The following PALD1 variants were observed in gnomAD, a reference collection of about 807,000 sequenced individuals.
PALD1 encodes phosphatase domain containing paladin 1.
In PALD1, 57 loss-of-function variants were observed where a neutral mutation model predicts 96.0. That is an observed-to-expected ratio of 0.59 (90% CI 0.48 to 0.74). The LOEUF is 0.74. Among genes scored for constraint, PALD1 ranks in the 30% least tolerant of loss-of-function variants. PALD1 has a pLI of 0.00. For missense variants in PALD1, 1,063 were observed against 1,143.7 expected (o/e 0.93, Z 1.02); for synonymous variants, 464 against 473.6 (o/e 0.98, Z 0.26).
At chr10:70,534,610 G>A in intron 9 of PALD1, 86 bp downstream of exon 9, 4 of 1,169,314 alleles carry the variant, frequency 3.4e-6, no homozygotes, top group Admixed American at 2.0e-5. Context: ...CTTCCTTCCC[G>A]ATACCCTCCC....
At chr10:70,486,251 C>A in intron 1 of PALD1, 1 of 158,186 alleles carries the variant, frequency 6.3e-6, no homozygotes. Context: ...TGACCAAAAA[C>A]TTGCCCTCCA....
At chr10:70,494,676 G>A (rs776314988) in intron 1 of PALD1, among the ~76,000 whole-genome samples, 1 of 152,252 alleles carries the variant, frequency 6.6e-6, no homozygotes, top group East Asian at 1.9e-4. Context: ...GTAAGAGCCT[G>A]TTCCCGTGGG....
chr10:70,495,880 G>T (rs1205249131), intron 1 of PALD1, among the ~76,000 whole-genome samples: 1 of 151,564 alleles, frequency 6.6e-6, no homozygotes, highest in Non-Finnish European at 1.5e-5. Flanking sequence ...GCGGTAGTGT[G>T]TGCCTGTAGT....
the PALD1 span, among the ~76,000 whole-genome samples, chr10:70,465,858 C>A: frequency 6.6e-6 from 1 of 152,182 alleles, no homozygotes; most frequent in Admixed American, 6.5e-5. Flanking sequence ...CTGCCAGGGT[C>A]CCACAGACAT....
At chr10:70,563,548 A>G (rs1230223366) in intron 18 of PALD1, among the ~76,000 whole-genome samples, 2 of 151,376 alleles carry the variant, frequency 1.3e-5, no homozygotes, top group Non-Finnish European at 2.9e-5. Context: ...TCCTCTCCCA[A>G]CCCCTCTCCT....
the PALD1 span, among the ~76,000 whole-genome samples, chr10:70,468,702 C>CTGTGGGTGTG: frequency 8.1e-6 from 1 of 123,806 alleles, no homozygotes; most frequent in African/African-American, 3.2e-5. Context: ...TGAGGCAGGA[C>CTGTGGGTGTG]TGTGTGTGTG....
intron 1 of PALD1, among the ~76,000 whole-genome samples, chr10:70,500,611 C>A (rs541767953): frequency 1.3e-5 from 2 of 152,266 alleles, no homozygotes; most frequent in South Asian, 4.1e-4. Context: ...GGGAAGCCTT[C>A]CCAGAGTTCC....
At chr10:70,473,976 A>C (rs1305957585), upstream of PALD1, among the ~76,000 whole-genome samples, 2 of 152,174 alleles carry the variant, frequency 1.3e-5, no homozygotes, top group Admixed American at 6.5e-5. Context: ...AAATGAATGA[A>C]ATATTCGTGG....
the PALD1 span, among the ~76,000 whole-genome samples, chr10:70,473,192 G>C: frequency 6.6e-6 from 1 of 152,168 alleles, no homozygotes; most frequent in South Asian, 2.1e-4. Context: ...CGCCCTGCTG[G>C]GTGCCACCAA....
Position 70,538,974 on chromosome 10 carries a change from T to C in PALD1, c.1535T>C (p.Met512Thr). 2 of 1,613,826 alleles carry C rather than the reference T, an allele frequency of 1.2e-6. No individual in the cohort carries two copies. The highest frequency in any genetic ancestry group is 1.7e-6 in the Non-Finnish European group (2 of 1,179,958). ...DVANFRRVPR[M>T]PIYGTAQPSA... is the part of the protein sequence containing the mutation. ...GCCAACTTCCGGCGGGTGCCCCGCATGCCCATCTACGGCACGGCCCAGCCC... is the reference window on the plus strand; with the variant it reads ...GCCAACTTCCGGCGGGTGCCCCGCACGCCCATCTACGGCACGGCCCAGCCC... The change falls in exon 13 of 20, where the codon ATG (methionine) becomes ACG (threonine). Residue 512 changes from methionine (M) to threonine (T), a missense_variant. Met to Thr is a moderately conservative substitution (Grantham distance 81). Transcript: ENST00000263563.
rs919557810 is a variant in PALD1, at chr10:70,567,417, C to A, written c.*684C>A. On this transcript the variant is annotated 3_prime_UTR_variant, in exon 20 of 20. Coordinates refer to ENST00000263563, the MANE Select transcript of PALD1 (RefSeq NM_014431.3). ...TCAAGGAGCTGGAGACTTCAGGGAGCCCCTCTCATGGGGAGGAAAGAGCTT... is the reference window on the plus strand; with the variant it reads ...TCAAGGAGCTGGAGACTTCAGGGAGACCCTCTCATGGGGAGGAAAGAGCTT... 6.5e-6 allele frequency: 1 copy of A among 152,766 alleles called. No homozygotes were observed. The highest frequency in any genetic ancestry group is 1.5e-5 in the Non-Finnish European group (1 of 68,190). 9.5% of individuals were successfully genotyped at this position (152,766 alleles called of 1,614,324 possible).
chr10:70,518,464 A>T (rs1158679115), intron 1 of PALD1, among the ~76,000 whole-genome samples: 1 of 152,192 alleles, frequency 6.6e-6, no homozygotes, highest in Non-Finnish European at 1.5e-5. Context: ...CCAGCAGTGT[A>T]TGTGAGTTCC....
chr10:70,529,129 C>T lies in PALD1; in HGVS notation c.186-100C>T, dbSNP rs902373308. The T allele has an allele frequency of 1.1e-5, 7 of 642,252 alleles. No individual in the cohort carries two copies. The Admixed American group carries it at 1.6e-4, about 14-fold the overall frequency. The allele number at this position is 642,252 out of a possible 1,614,324, so 39.8% of individuals were successfully genotyped here. On this transcript the variant is annotated intron_variant, in intron 2 of 19. Transcript: ENST00000263563. ...CAGTCTCTGCCACAAATCGTAGCCACAGGGGTTTTCCTGCGGTGGGCTCTG... is the reference window on the plus strand; with the variant it reads ...CAGTCTCTGCCACAAATCGTAGCCATAGGGGTTTTCCTGCGGTGGGCTCTG...
intron 18 of PALD1, among the ~76,000 whole-genome samples, chr10:70,562,268 C>T (rs1847755954): frequency 6.6e-6 from 1 of 152,210 alleles, no homozygotes; most frequent in African/African-American, 2.4e-5. Context: ...CCCCTGTCCC[C>T]ATCTCCAGGG....
chr10:70,472,261 T>G, the PALD1 span, among the ~76,000 whole-genome samples: 1 of 152,022 alleles, frequency 6.6e-6, no homozygotes. Context: ...TCTGAGTTAT[T>G]TATTTATTTA....
the PALD1 span, among the ~76,000 whole-genome samples, chr10:70,460,636 A>G: frequency 6.6e-6 from 1 of 152,050 alleles, no homozygotes; most frequent in East Asian, 1.9e-4. Flanking sequence ...TCTCTCCTGG[A>G]CAACTGTGGA....
intron 1 of PALD1, among the ~76,000 whole-genome samples, chr10:70,488,498 CCT>C (rs1368960834): frequency 1.3e-5 from 2 of 152,226 alleles, no homozygotes; most frequent in African/African-American, 4.8e-5. Context: ...CCCTCCTTCC[CCT>C]CTCTCTGGTC....
intron 18 of PALD1, among the ~76,000 whole-genome samples, chr10:70,562,753 C>T (rs1395832396): frequency 1.3e-5 from 2 of 151,588 alleles, no homozygotes; most frequent in South Asian, 2.2e-4. Context: ...CCTTCCATAG[C>T]GTGCAGGGGA....
chr10:70,461,577 G>A, the PALD1 span, among the ~76,000 whole-genome samples: 1 of 152,116 alleles, frequency 6.6e-6, no homozygotes, highest in Admixed American at 6.5e-5. Flanking sequence ...TCCAGCAGAT[G>A]GCCTCCCAGA....
Sources: gnomAD v4.1 joint callset for allele counts (sites outside exome capture counted in the v4.1 genomes callset) on GRCh38, gnomAD v4.1.1 for gene constraint, MANE v1.5 for transcripts, NCBI Gene and HGNC (gene_info 2026-07-23, HGNC 2026-07-21) for gene names.